The following CFAP44 variants were observed in gnomAD, a reference collection of about 807,000 sequenced individuals.
The protein encoded by CFAP44 is cilia and flagella associated protein 44, also known as cilia- and flagella-associated protein 44.
Under a neutral mutation model 216.2 loss-of-function variants are expected in CFAP44, and 134 were observed. The observed-to-expected ratio is 0.62, with a 90% CI of 0.54 to 0.72. CFAP44 has a LOEUF of 0.72. CFAP44 is among the 30% of genes least tolerant of loss of function. The pLI, the probability that CFAP44 is intolerant of heterozygous loss-of-function variation, is 0.00. For synonymous variants in CFAP44, 700 were observed against 727.6 expected (o/e 0.96, Z 0.61); for missense variants, 2,035 against 2,182.1 (o/e 0.93, Z 1.34).
intron 15 of CFAP44, among the ~76,000 whole-genome samples, chr3:113,381,349 T>C (rs1047892125): frequency 6.6e-6 from 1 of 152,170 alleles, no homozygotes; most frequent in Non-Finnish European, 1.5e-5. Context: ...TTCATATATG[T>C]TTTCTGATTT....
intron 15 of CFAP44, among the ~76,000 whole-genome samples, chr3:113,389,926 A>T (rs1022659773): frequency 2.0e-5 from 3 of 152,092 alleles, no homozygotes; most frequent in African/African-American, 4.8e-5. Flanking sequence ...TCTACCAAAC[A>T]TTTAAGAATA....
intron 15 of CFAP44, 102 bp from the exon 16 acceptor site, chr3:113,381,162 T>C (rs1307496278): frequency 3.8e-6 from 3 of 785,562 alleles, no homozygotes; most frequent in East Asian, 3.2e-5. Context: ...ATATTAGCCA[T>C]GTTTAAAACA....
chr3:113,375,436 C>A (rs1174743503), intron 17 of CFAP44, among the ~76,000 whole-genome samples: 2 of 151,918 alleles, frequency 1.3e-5, no homozygotes, highest in African/African-American at 4.8e-5. Flanking sequence ...TAGGCTAAAG[C>A]ATGGAGAAAG....
At chr3:113,401,166 G>A in intron 11 of CFAP44, 74 bp downstream of exon 11, 1 of 1,362,202 alleles carries the variant, frequency 7.3e-7, no homozygotes, top group Non-Finnish European at 1.0e-6. Flanking sequence ...GAAAGATAAA[G>A]AATACTTTAA....
rs541741384 is a variant in CFAP44, at chr3:113,342,833, T to A, written c.3263-915A>T. 4.1e-3 allele frequency among the ~76,000 whole-genome samples: 594 copies of A among 143,334 alleles called. 7 individuals are homozygous for A. Among genetic ancestry groups the A allele is most frequent in the African/African-American group, 0.015 (579 of 37,618 alleles). The allele number at this position is 143,334 out of a possible 152,430, so 94.0% of individuals were successfully genotyped here. ...GTGAAACCCCCGTCTCTGCTAAAAA[T>A]ACATAAAAAAAAAAAAATTAGCCGG... On this transcript the variant is annotated intron_variant, in intron 23 of 34. Transcript: ENST00000393845.
intron 17 of CFAP44, among the ~76,000 whole-genome samples, chr3:113,374,597 T>A (rs1933277722): frequency 1.3e-5 from 2 of 152,062 alleles, no homozygotes; most frequent in South Asian, 4.1e-4. Flanking sequence ...GCAGCATTAT[T>A]CACAATAGCC....
intron 24 of CFAP44, among the ~76,000 whole-genome samples, chr3:113,336,715 C>T (rs1950285110): frequency 6.6e-6 from 1 of 151,640 alleles, no homozygotes; most frequent in African/African-American, 2.4e-5. Flanking sequence ...TAAATAAGTA[C>T]ATTAAACATA....
rs1576530550 is a variant in CFAP44 at position 113,290,431 on chromosome 3, G to A, written c.*1126C>T. On this transcript the variant is annotated 3_prime_UTR_variant, in exon 35 of 35. Coordinates refer to ENST00000393845, the MANE Select transcript of CFAP44 (RefSeq NM_001164496.2). ...GGTGAGGAAGACTTGGCATTGCTGA[G>A]TTCCCTTCTACATTTATGCAATGTT... 1 of 152,202 alleles carries A rather than the reference G, an allele frequency of 6.6e-6. No individual in the cohort carries two copies. Among genetic ancestry groups the A allele is most frequent in the East Asian group, 1.9e-4 (1 of 5,190 alleles). The allele number at this position is 152,202 out of a possible 1,614,324, so 9.4% of individuals were successfully genotyped here. A position where few individuals can be genotyped will look rare whatever the true frequency, so the allele number is the denominator to read the frequency against.
At chr3:113,331,143 C>T (rs528340871) in intron 25 of CFAP44, among the ~76,000 whole-genome samples, 1 of 152,252 alleles carries the variant, frequency 6.6e-6, no homozygotes, top group South Asian at 2.1e-4. Flanking sequence ...GTATTTTGGC[C>T]ACATGATTAT....
rs115610953 is a variant in CFAP44, at chr3:113,366,180, A to G, written c.2574T>C (p.Tyr858=). The G allele has an allele frequency of 2.8e-4, 445 of 1,614,110 alleles. 1 individual carries two copies. The highest frequency in any genetic ancestry group is 6.4e-5 in the Non-Finnish European group (75 of 1,179,990). Residue 858 remains tyrosine (Y), a synonymous_variant, in exon 19 of 35, where the codon TAT becomes TAC. Transcript: ENST00000393845. ...TATTAGCAATACTTTTAATACATCCATAATTATTGTCATGCATATTGAAGT... is the reference window on the plus strand; with the variant it reads ...TATTAGCAATACTTTTAATACATCCGTAATTATTGTCATGCATATTGAAGT... The part of the protein sequence containing the change: ...YWHFNMHDNN[Y]GCIKSIANSF...
chr3:113,346,399 T>C (rs924010613), intron 22 of CFAP44, among the ~76,000 whole-genome samples: 5 of 151,896 alleles, frequency 3.3e-5, no homozygotes, highest in African/African-American at 1.2e-4. Flanking sequence ...TAAAGGATTG[T>C]AAGTGCCCCA....
intron 28 of CFAP44, among the ~76,000 whole-genome samples, chr3:113,315,638 T>G (rs1303891330): frequency 6.6e-6 from 1 of 152,180 alleles, no homozygotes; most frequent in Non-Finnish European, 1.5e-5. Context: ...ACAGACAGTT[T>G]CTGACTTAAA....
At chr3:113,350,344 CAAAG>C (rs966809403) in intron 22 of CFAP44, among the ~76,000 whole-genome samples, 9 of 147,628 alleles carry the variant, frequency 6.1e-5, no homozygotes, top group African/African-American at 1.8e-4. Flanking sequence ...GACAGAGAGA[CAAAG>C]AGAGAGTCAG....
intron 6 of CFAP44, among the ~76,000 whole-genome samples, chr3:113,414,987 G>T (rs915895407): frequency 4.2e-5 from 6 of 143,966 alleles, no homozygotes; most frequent in Non-Finnish European, 7.7e-5. Flanking sequence ...AATCTATCTG[G>T]TCCTGGAGTT....
chr3:113,383,615 A>G (rs888137462), intron 15 of CFAP44, among the ~76,000 whole-genome samples: 1 of 152,228 alleles, frequency 6.6e-6, no homozygotes, highest in Non-Finnish European at 1.5e-5. Flanking sequence ...GTGAACTATT[A>G]AGTTAGGAAA....
At chr3:113,370,571 G>C (rs767325308) in intron 18 of CFAP44, among the ~76,000 whole-genome samples, 6 of 152,146 alleles carry the variant, frequency 3.9e-5, no homozygotes, top group Non-Finnish European at 8.8e-5. Context: ...GGTATTGAAG[G>C]AATGTACCTC....
At chr3:113,315,981 A>G (rs2107800404) in intron 28 of CFAP44, among the ~76,000 whole-genome samples, 1 of 152,364 alleles carries the variant, frequency 6.6e-6, no homozygotes, top group East Asian at 1.9e-4. Flanking sequence ...TGGTAAATCA[A>G]GGAGCATCTA....
chr3:113,322,190 A>C lies in CFAP44; in HGVS notation c.4516+4255T>G, dbSNP rs116159308. ...AGACAGACACATAGACCGCAAGATCAGAATAGAAAACTCAGAAATAAGGTT... is the reference window on the plus strand; with the variant it reads ...AGACAGACACATAGACCGCAAGATCCGAATAGAAAACTCAGAAATAAGGTT... On this transcript the variant is annotated intron_variant, in intron 28 of 34. Transcript: ENST00000393845. Among the ~76,000 whole-genome samples the C allele has an allele frequency of 6.0e-3, 919 of 152,348 alleles. 10 individuals are homozygous for C. The highest frequency in any genetic ancestry group is 0.02 in the African/African-American group (852 of 41,574).
intron 8 of CFAP44, among the ~76,000 whole-genome samples, chr3:113,406,702 A>G (rs1934291002): frequency 6.6e-6 from 1 of 152,164 alleles, no homozygotes; most frequent in Non-Finnish European, 1.5e-5. Context: ...TGTGTACCAT[A>G]TTTAGTAAAA....
Sources: allele counts gnomAD v4.1 joint callset (sites outside exome capture counted in the v4.1 genomes callset), GRCh38; gene constraint gnomAD v4.1.1; transcripts MANE v1.5; gene names NCBI Gene and HGNC (gene_info 2026-07-23, HGNC 2026-07-21).